The following PCSK2 variants were observed in gnomAD, a reference collection of about 807,000 sequenced individuals.
PCSK2 encodes neuroendocrine convertase 2.
Under a neutral mutation model 69.7 loss-of-function variants are expected in PCSK2, and 14 were observed. That is an observed-to-expected ratio of 0.20 (90% confidence interval 0.13 to 0.31). The LOEUF (loss-of-function observed/expected upper bound fraction) is 0.31. Ranked by LOEUF, PCSK2 falls within the 10% of genes least tolerant of loss-of-function variation. The pLI is 1.00. For missense variants in PCSK2, 544 were observed against 842.5 expected, an observed-to-expected ratio of 0.65 and a Z score of 4.39; for synonymous variants, 307 against 320.7, an observed-to-expected ratio of 0.96 and a Z score of 0.46.
chr20:17,362,773 C>T (rs1455134072), intron 4 of PCSK2, among the ~76,000 whole-genome samples: 1 of 152,204 alleles, frequency 6.6e-6, no homozygotes, highest in East Asian at 1.9e-4. Flanking sequence ...GAAATAAACT[C>T]TGAATTTGTG....
intron 3 of PCSK2, 58 bp from the exon 4 acceptor site, chr20:17,360,474 A>G (rs2030354726): frequency 4.0e-6 from 4 of 992,216 alleles, no homozygotes; most frequent in East Asian, 2.5e-5. Flanking sequence ...AAATATGTAC[A>G]TGGGTGCTTT....
intron 1 of PCSK2, among the ~76,000 whole-genome samples, chr20:17,251,452 C>G (rs1232927627): frequency 1.3e-5 from 2 of 152,048 alleles, no homozygotes; most frequent in Non-Finnish European, 2.9e-5. Flanking sequence ...CAGAAAAGAC[C>G]CCTGGTTAAG....
intron 2 of PCSK2, among the ~76,000 whole-genome samples, chr20:17,346,034 A>C (rs1468757059): frequency 6.6e-6 from 1 of 152,162 alleles, no homozygotes; most frequent in Non-Finnish European, 1.5e-5. Context: ...AGTCAGATCC[A>C]CCTGTGCCTT....
At chr20:17,455,515 A>C (rs545372194) in intron 9 of PCSK2, among the ~76,000 whole-genome samples, 1 of 152,300 alleles carries the variant, frequency 6.6e-6, no homozygotes, top group Non-Finnish European at 1.5e-5. Flanking sequence ...TGGATTTTAG[A>C]TGTAGAGAAA....
chr20:17,381,767 T>C (rs910191153), intron 5 of PCSK2, among the ~76,000 whole-genome samples: 1 of 152,180 alleles, frequency 6.6e-6, no homozygotes, highest in Non-Finnish European at 1.5e-5. Context: ...CCTCCCTTTT[T>C]TTCTCCACAA....
chr20:17,372,622 T>C (rs1038972143), intron 5 of PCSK2, among the ~76,000 whole-genome samples: 3 of 152,142 alleles, frequency 2.0e-5, no homozygotes, highest in Non-Finnish European at 4.4e-5. Flanking sequence ...CTTGATAACT[T>C]TCATTCAGAG....
intron 2 of PCSK2, among the ~76,000 whole-genome samples, chr20:17,341,810 AAGTC>A (rs1205334111): frequency 6.6e-6 from 1 of 152,130 alleles, no homozygotes; most frequent in Non-Finnish European, 1.5e-5. Context: ...GTGCTCTCAA[AAGTC>A]AGACTTGTTT....
At position 17,367,532 on chromosome 20, in the gene PCSK2, T is replaced by A. The variant is rs73255667; in HGVS notation, c.506-1708T>A. Among the ~76,000 whole-genome samples, 445 of 152,354 alleles carry A rather than the reference T, an allele frequency of 2.9e-3. 3 individuals are homozygous for A. The highest frequency in any genetic ancestry group is 0.01 in the African/African-American group (426 of 41,592). ...CCACTGATTTCAAAGCCTATGCTCA[T>A]CCCCAACTTCACCCCACAGCCTAAA... On this transcript the variant is annotated intron_variant, in intron 4 of 11. Coordinates refer to ENST00000262545, the MANE Select transcript of PCSK2 (RefSeq NM_002594.5).
intron 5 of PCSK2, among the ~76,000 whole-genome samples, chr20:17,388,333 T>C (rs971490314): frequency 4.6e-5 from 7 of 151,766 alleles, no homozygotes; most frequent in African/African-American, 9.7e-5. Flanking sequence ...AAGAGACAGA[T>C]TGGGAGTGAA....
intron 5 of PCSK2, among the ~76,000 whole-genome samples, chr20:17,372,747 A>G (rs965018471): frequency 1.3e-5 from 2 of 152,136 alleles, no homozygotes; most frequent in African/African-American, 4.8e-5. Context: ...AAAACTGAAC[A>G]CCTAACTACC....
intron 11 of PCSK2, among the ~76,000 whole-genome samples, chr20:17,471,760 A>G (rs2033205982): frequency 6.6e-6 from 1 of 152,252 alleles, no homozygotes; most frequent in African/African-American, 2.4e-5. Flanking sequence ...CAGAGGCTCC[A>G]CAGGGAGATT....
At chr20:17,269,947 T>TATA (rs1987796381) in intron 2 of PCSK2, among the ~76,000 whole-genome samples, 1 of 152,140 alleles carries the variant, frequency 6.6e-6, no homozygotes, top group Non-Finnish European at 1.5e-5. Context: ...TTTCATAGAT[T>TATA]TCAGAAAGAT....
At position 17,296,178 on chromosome 20, in the gene PCSK2, C is replaced by T. The variant is rs74894810; in HGVS notation, c.282+35834C>T. ...AGCAAGACAGCCTAAGCAAAGCAGG[C>T]TCCCTTGGGCCACAGACGTGGCTTG... is the stretch of plus-strand genomic sequence containing the variant. On this transcript the variant is annotated intron_variant, in intron 2 of 11. Coordinates refer to ENST00000262545, the MANE Select transcript of PCSK2 (RefSeq NM_002594.5). 5.0e-3 allele frequency among the ~76,000 whole-genome samples: 767 copies of T among 152,302 alleles called. 6 individuals are homozygous for T. The highest frequency in any genetic ancestry group is 0.023 in the East Asian group (120 of 5,170).
At chr20:17,446,188 A>G (rs957374835) in intron 8 of PCSK2, among the ~76,000 whole-genome samples, 4 of 152,254 alleles carry the variant, frequency 2.6e-5, no homozygotes, top group African/African-American at 9.6e-5. Flanking sequence ...GAGACAGAAT[A>G]ACACAGGATT....
chr20:17,356,812 G>A (rs996736805), intron 2 of PCSK2, among the ~76,000 whole-genome samples: 31 of 152,084 alleles, frequency 2.0e-4, no homozygotes, highest in Non-Finnish European at 2.2e-4. Flanking sequence ...CAGGATAAAT[G>A]GGCTCCAGGG....
At chr20:17,368,868 C>A (rs2030676496) in intron 4 of PCSK2, among the ~76,000 whole-genome samples, 2 of 152,210 alleles carry the variant, frequency 1.3e-5, no homozygotes, top group Admixed American at 1.3e-4. Context: ...CCATTGCTGT[C>A]CATGCCCTGT....
chr20:17,424,845 C>G (rs557326576), intron 6 of PCSK2, among the ~76,000 whole-genome samples: 1 of 151,950 alleles, frequency 6.6e-6, no homozygotes, highest in African/African-American at 2.4e-5. Context: ...AGTGCAGTGG[C>G]GTAATCTTGG....
chr20:17,474,969 G>A (rs532773179), intron 11 of PCSK2, among the ~76,000 whole-genome samples: 41 of 152,176 alleles, frequency 2.7e-4, no homozygotes, highest in Admixed American at 1.4e-3. Flanking sequence ...CTTCTCCAGA[G>A]ACAGATAACA....
At chr20:17,227,870 C>T (rs1372702958) in intron 1 of PCSK2, among the ~76,000 whole-genome samples, 2 of 152,086 alleles carry the variant, frequency 1.3e-5, no homozygotes, top group East Asian at 3.9e-4. Flanking sequence ...GTCTCCCCCA[C>T]CCCCATCCCC....
Sources: gnomAD v4.1 joint callset for allele counts (sites outside exome capture counted in the v4.1 genomes callset) on GRCh38, gnomAD v4.1.1 for gene constraint, MANE v1.5 for transcripts, NCBI Gene and HGNC (gene_info 2026-07-23, HGNC 2026-07-21) for gene names.